The following SMC4 variants were observed in gnomAD, a reference collection of about 807,000 sequenced individuals.
SMC4 encodes the protein structural maintenance of chromosomes 4.
In SMC4, 87 loss-of-function variants were observed where a neutral mutation model predicts 145.6. The observed-to-expected ratio is 0.60, with a 90% confidence interval of 0.50 to 0.71. The LOEUF is 0.71. SMC4 is among the 30% of genes least tolerant of loss of function. The probability of loss-of-function intolerance (pLI) is 0.00; values close to 1 mark genes in which losing one functional copy is unlikely to be tolerated. For missense variants in SMC4, 1,447 were observed against 1,537.1 expected (o/e 0.94, Z 0.98); for synonymous variants, 558 against 500.7 (o/e 1.11, Z -1.53).
intron 22 of SMC4, 47 bp from the exon 23 acceptor site, chr3:160,432,979 C>A: frequency 7.3e-7 from 1 of 1,365,702 alleles, no homozygotes; most frequent in South Asian, 1.2e-5. Flanking sequence ...AAAGTCTTAA[C>A]TTTAGCTTTA....
chr3:160,402,951 A>G, intron 4 of SMC4, 84 bp downstream of exon 4: 1 of 981,092 alleles, frequency 1.0e-6, no homozygotes, highest in Non-Finnish European at 1.5e-6. Context: ...TGGCTTTAAG[A>G]AATTTGTATG....
At chr3:160,419,837 G>C (rs1451584925) in intron 12 of SMC4, among the ~76,000 whole-genome samples, 1 of 152,016 alleles carries the variant, frequency 6.6e-6, no homozygotes, top group Non-Finnish European at 1.5e-5. Context: ...AGGCACAATG[G>C]TGTGTGCCTG....
In SMC4 at chr3:160,400,961, C is replaced by G; in HGVS notation, c.135C>G (p.Ala45=). The G allele has an allele frequency of 7.1e-7, 1 of 1,415,252 alleles. No homozygotes were observed. The highest frequency in any genetic ancestry group is 9.1e-7 in the Non-Finnish European group (1 of 1,097,234). The allele number at this position is 1,415,252 out of a possible 1,614,324, so 87.7% of individuals were successfully genotyped here. The part of the protein sequence containing the change: ...PSGRTESPAT[A]AETASEELDN... ...GCCGCACGGAGAGCCCAGCCACCGC[C>G]GCAGGTGAGTGACCCGCCGCGACTC... Residue 45 remains alanine (A), a synonymous_variant, in exon 2 of 24, where the codon GCC becomes GCG. Transcript: ENST00000357388.
At chr3:160,410,174 A>G (rs1362829454) in intron 5 of SMC4, among the ~76,000 whole-genome samples, 1 of 152,212 alleles carries the variant, frequency 6.6e-6, no homozygotes, top group Non-Finnish European at 1.5e-5. Context: ...GACATTCAGT[A>G]ACGTCTGAAG....
At chr3:160,410,105 ACT>A (rs1239392422) in intron 5 of SMC4, among the ~76,000 whole-genome samples, 1 of 152,074 alleles carries the variant, frequency 6.6e-6, no homozygotes, top group Non-Finnish European at 1.5e-5. Context: ...GAACAAACAA[ACT>A]GCAGCCTCTA....
intron 4 of SMC4, among the ~76,000 whole-genome samples, chr3:160,403,406 T>C (rs1481720371): frequency 6.6e-6 from 1 of 152,130 alleles, no homozygotes; most frequent in African/African-American, 2.4e-5. Context: ...CAACTAGAGG[T>C]AAAATGTCTA....
intron 8 of SMC4, 116 bp downstream of exon 8, chr3:160,413,729 T>TG (rs1362620237): frequency 1.6e-6 from 1 of 622,088 alleles, no homozygotes; most frequent in Non-Finnish European, 2.5e-6. Context: ...GCATATCAAG[T>TG]GGTGGCCCCC....
At chr3:160,424,219 C>T (rs1717519972) in intron 15 of SMC4, among the ~76,000 whole-genome samples, 1 of 152,116 alleles carries the variant, frequency 6.6e-6, no homozygotes, top group African/African-American at 2.4e-5. Flanking sequence ...ATGCAAATCT[C>T]AACTTCAGAG....
At chr3:160,421,653 A>T (rs1404859982) in intron 13 of SMC4, among the ~76,000 whole-genome samples, 1 of 152,188 alleles carries the variant, frequency 6.6e-6, no homozygotes, top group Non-Finnish European at 1.5e-5. Context: ...CTGAAGCAGG[A>T]GAATTGCCTA....
chr3:160,403,042 T>G (rs531766487), intron 4 of SMC4, among the ~76,000 whole-genome samples, 175 bp downstream of exon 4: 85 of 152,288 alleles, frequency 5.6e-4, no homozygotes, highest in African/African-American at 2.0e-3. Context: ...TTAAAATACT[T>G]ATTTTTTAGC....
chr3:160,420,489 C>T (rs558104270), intron 12 of SMC4: 1 of 377,598 alleles, frequency 2.6e-6, no homozygotes, highest in African/African-American at 2.2e-5. Context: ...GCTTATAGTT[C>T]ATTTAGGTTT....
Position 160,413,490 on chromosome 3 carries a change from G to A in SMC4, c.998G>A (p.Arg333Gln), listed in dbSNP as rs779373182. The change falls in exon 8 of 24, where the codon CGA (arginine) becomes CAA (glutamine). Residue 333 changes from arginine to glutamine, a missense_variant. Arg to Gln is a conservative substitution (Grantham distance 43). Transcript: ENST00000357388. ...CQYYIYELQK[R>Q]IAEMETQKEK... ...CCCTATAGTTATGAGTTGCAGAAAC[G>A]AATTGCTGAAATGGAAACTCAAAAG... is the stretch of plus-strand genomic sequence containing the variant. 64 of 1,576,810 alleles carry A rather than the reference G, an allele frequency of 4.1e-5. No homozygotes were observed. Among genetic ancestry groups the A allele is most frequent in the African/African-American group, 7.0e-5 (5 of 71,186 alleles).
intron 1 of SMC4, 174 bp from the exon 2 acceptor site, chr3:160,400,648 C>T (rs920253661): frequency 5.4e-5 from 41 of 752,860 alleles, no homozygotes; most frequent in Non-Finnish European, 7.4e-5. Context: ...GAAACCAGTC[C>T]TGCCTTCTTG....
At position 160,431,049 on chromosome 3, in the gene SMC4, C is replaced by T. The variant is rs780732974; in HGVS notation, c.2958C>T (p.Ile986=). The T allele has an allele frequency of 6.3e-7, 1 of 1,599,528 alleles. No individual in the cohort carries two copies. Among genetic ancestry groups the T allele is most frequent in the Non-Finnish European group, 8.5e-7 (1 of 1,175,972 alleles). Residue 986 remains isoleucine (I), a synonymous_variant, in exon 20 of 24, where the codon ATC becomes ATT. Coordinates refer to ENST00000357388, the MANE Select transcript of SMC4 (RefSeq NM_001002800.3). ...TNAAEESLPE[I]QKEHRNLLQE... is the part of the protein sequence containing the mutation. ...GTGTTTAGGAATCCTTACCAGAGAT[C>T]CAGAAAGAACATCGCAATCTGCTTC... is the stretch of plus-strand genomic sequence containing the variant.
Position 160,424,888 on chromosome 3 carries a change from T to G in SMC4, c.2347T>G (p.Leu783Val). ...GTAGGTAAACAAAATGGAATCACAGTTGCAAAACGACTCTAAAAAAGCAAT... is the reference window on the plus strand; with the variant it reads ...GTAGGTAAACAAAATGGAATCACAGGTGCAAAACGACTCTAAAAAAGCAAT... ...EEEVNKMESQ[L>V]QNDSKKAMQI... The change falls in exon 16 of 24, where the codon TTG becomes GTG. Residue 783 changes from leucine (L) to valine (V), a missense_variant. Coordinates refer to ENST00000357388, the MANE Select transcript of SMC4 (RefSeq NM_001002800.3). 2 of 1,613,996 alleles carry G rather than the reference T, an allele frequency of 1.2e-6. No individual in the cohort carries two copies. Among genetic ancestry groups the G allele is most frequent in the Non-Finnish European group, 1.7e-6 (2 of 1,179,996 alleles).
intron 4 of SMC4, 158 bp from the exon 5 acceptor site, chr3:160,404,170 G>A: frequency 1.7e-6 from 1 of 601,436 alleles, no homozygotes; most frequent in South Asian, 2.3e-5. Flanking sequence ...TCTTTGCTAA[G>A]TTGGGTTATT....
At chr3:160,427,191 T>G (rs994442009) in intron 17 of SMC4, among the ~76,000 whole-genome samples, 1 of 152,226 alleles carries the variant, frequency 6.6e-6, no homozygotes, top group African/African-American at 2.4e-5. Context: ...TAGGTCCTAC[T>G]GATAGAGCAG....
chr3:160,402,222 TTCTG>T (rs1714767036), intron 3 of SMC4, 129 bp downstream of exon 3: 2 of 558,274 alleles, frequency 3.6e-6, no homozygotes, highest in Admixed American at 4.0e-5. Context: ...CTGATAGTCT[TTCTG>T]TCTCTCTCTC....
rs960920466 is a variant in SMC4, at chr3:160,424,975, C to A, written c.2434C>A (p.Arg812=). The A allele has an allele frequency of 1.9e-6, 3 of 1,610,470 alleles. No homozygotes were observed. The highest frequency in any genetic ancestry group is 1.7e-6 in the Non-Finnish European group (2 of 1,178,608). The change falls in exon 16 of 24, where the codon CGA becomes AGA. Residue 812 remains arginine (R), a synonymous_variant. Transcript: ENST00000357388. ...ERVVKLRHSE[R]EMRNTLEKFT... ...AGTAGTTAAGTTACGGCATAGTGAA[C>A]GAGAAATGAGGAACACACTAGAAAA...
Sources: gnomAD v4.1 joint callset for allele counts (sites outside exome capture counted in the v4.1 genomes callset) on GRCh38, gnomAD v4.1.1 for gene constraint, MANE v1.5 for transcripts, NCBI Gene and HGNC (gene_info 2026-07-23, HGNC 2026-07-21) for gene names.